LHFPL3: variants seen among roughly 807,000 people sequenced by gnomAD.
LHFPL3 encodes the protein LHFPL tetraspan subfamily member 3.
In LHFPL3, 5 loss-of-function variants were observed where a neutral mutation model predicts 19.3. The observed-to-expected ratio is 0.26, with a 90% CI of 0.14 to 0.54. The LOEUF is 0.54. Among genes scored for constraint, LHFPL3 ranks in the 20% least tolerant of loss-of-function variants. The pLI, the probability that LHFPL3 is intolerant of heterozygous loss-of-function variation, is 0.94. For synonymous variants in LHFPL3, 133 were observed against 126.2 expected, an observed-to-expected ratio of 1.05 and a Z score of -0.36; for missense variants, 249 against 307.4, an observed-to-expected ratio of 0.81 and a Z score of 1.42.
chr7:104,707,215 A>G (rs117753370), intron 1 of LHFPL3, among the ~76,000 whole-genome samples: 10 of 152,300 alleles, frequency 6.6e-5, no homozygotes, highest in Middle Eastern at 3.4e-3. Flanking sequence ...GAGCTCACCA[A>G]TTCCCAGGGT....
intron 1 of LHFPL3, among the ~76,000 whole-genome samples, chr7:104,529,685 G>T (rs1476394471): frequency 2.0e-5 from 3 of 152,168 alleles, no homozygotes; most frequent in Admixed American, 6.5e-5. Flanking sequence ...GGCACAGTTG[G>T]ATATAGAAAC....
At chr7:104,874,406 T>A (rs35376612) in intron 2 of LHFPL3, among the ~76,000 whole-genome samples, 29 of 131,734 alleles carry the variant, frequency 2.2e-4, no homozygotes, top group Non-Finnish European at 4.1e-4. Context: ...TTTTTTTTTT[T>A]GGGGGGGGGA....
At chr7:104,865,296 G>A (rs1339974937) in intron 2 of LHFPL3, among the ~76,000 whole-genome samples, 1 of 152,068 alleles carries the variant, frequency 6.6e-6, no homozygotes, top group Non-Finnish European at 1.5e-5. Context: ...GAGGAAGTTT[G>A]AACCCATGGC....
chr7:104,627,792 C>T (rs1304535307), intron 1 of LHFPL3, among the ~76,000 whole-genome samples: 1 of 152,186 alleles, frequency 6.6e-6, no homozygotes, highest in Non-Finnish European at 1.5e-5. Flanking sequence ...GAGATTAAAA[C>T]TCTGAACTTC....
intron 1 of LHFPL3, among the ~76,000 whole-genome samples, chr7:104,358,726 T>A (rs560821434): frequency 1.3e-5 from 2 of 152,334 alleles, no homozygotes; most frequent in Admixed American, 6.5e-5. Flanking sequence ...CTCTGGCCTG[T>A]CAGAAACAAA....
intron 1 of LHFPL3, among the ~76,000 whole-genome samples, chr7:104,357,503 C>T (rs1248169357): frequency 6.6e-6 from 1 of 152,194 alleles, no homozygotes; most frequent in African/African-American, 2.4e-5. Context: ...GGGTAGCCAA[C>T]TTCAGCAGAC....
intron 1 of LHFPL3, among the ~76,000 whole-genome samples, chr7:104,411,910 T>A (rs569929407): frequency 1.2e-4 from 18 of 152,294 alleles, no homozygotes; most frequent in East Asian, 3.9e-4. Flanking sequence ...AAAATGTTTT[T>A]AAAAATCTGA....
In LHFPL3 at chr7:104,329,001, G is replaced by A. The variant is rs376715520; in HGVS notation, c.222G>A (p.Gly74=). Reference sequence around the variant, plus strand: ...ACACCCCGCAAGCCGGCTATTTCGGGCTCTTCCACTACTGCATCGGCAACG... The same window carrying A: ...ACACCCCGCAAGCCGGCTATTTCGGACTCTTCCACTACTGCATCGGCAACG... ...GVDTPQAGYF[G]LFHYCIGNGF... is the part of the protein sequence containing the mutation. The change falls in exon 1 of 3, where the codon GGG becomes GGA. Residue 74 remains glycine (G), a synonymous_variant. Coordinates refer to ENST00000424859, the MANE Select transcript of LHFPL3 (RefSeq NM_199000.3). 1.2e-6 allele frequency: 2 copies of A among 1,614,124 alleles called. No individual in the cohort carries two copies. Among genetic ancestry groups the A allele is most frequent in the South Asian group, 1.1e-5 (1 of 91,088 alleles).
chr7:104,627,559 T>G (rs1791568792), intron 1 of LHFPL3, among the ~76,000 whole-genome samples: 1 of 152,180 alleles, frequency 6.6e-6, no homozygotes, highest in South Asian at 2.1e-4. Flanking sequence ...TGCATCTTTG[T>G]GTCATCCCAA....
chr7:104,730,297 C>T (rs1793675743), intron 1 of LHFPL3, among the ~76,000 whole-genome samples: 1 of 152,172 alleles, frequency 6.6e-6, no homozygotes. Flanking sequence ...ATTTCTAGTT[C>T]TAGATCCCTG....
chr7:104,408,917 T>G (rs1477982307), intron 1 of LHFPL3, among the ~76,000 whole-genome samples: 3 of 133,894 alleles, frequency 2.2e-5, no homozygotes, highest in Admixed American at 9.4e-5. Flanking sequence ...CAGGCTGGAG[T>G]GCAATGGCGC....
At chr7:104,737,042 C>T in intron 2 of LHFPL3, 131 bp downstream of exon 2, 1 of 654,484 alleles carries the variant, frequency 1.5e-6, no homozygotes, top group Non-Finnish European at 2.6e-6. Flanking sequence ...TACCGTGTAG[C>T]TTGCAGACTT....
In LHFPL3 at chr7:104,569,893, G is replaced by A. The variant is rs189506216; in HGVS notation, c.446-166782G>A. ...CAGAGGCTATATGCTCAACCACTATGCCATACTATCCTCTCTCCACAATGA... is the reference window on the plus strand; with the variant it reads ...CAGAGGCTATATGCTCAACCACTATACCATACTATCCTCTCTCCACAATGA... On this transcript the variant is annotated intron_variant, in intron 1 of 2. Transcript: ENST00000424859. Among the ~76,000 whole-genome samples the A allele has an allele frequency of 1.5e-3, 227 of 152,236 alleles. 1 individual carries two copies. Among genetic ancestry groups the A allele is most frequent in the African/African-American group, 5.1e-3 (213 of 41,510 alleles).
At chr7:104,579,272 T>C (rs1252297318) in intron 1 of LHFPL3, among the ~76,000 whole-genome samples, 1 of 152,126 alleles carries the variant, frequency 6.6e-6, no homozygotes, top group Non-Finnish European at 1.5e-5. Flanking sequence ...ATAGTGAACA[T>C]AGTACCCAAC....
intron 1 of LHFPL3, among the ~76,000 whole-genome samples, chr7:104,501,682 G>A (rs144385223): frequency 6.2e-4 from 95 of 152,240 alleles, no homozygotes; most frequent in Non-Finnish European, 1.1e-3. Context: ...TTGTGGATTG[G>A]TTGACCTGAT....
intron 1 of LHFPL3, among the ~76,000 whole-genome samples, chr7:104,377,586 A>G (rs1790740408): frequency 6.6e-6 from 1 of 152,212 alleles, no homozygotes; most frequent in Non-Finnish European, 1.5e-5. Context: ...AAAACCATCT[A>G]GAGCAGAGGA....
At chr7:104,396,774 C>T (rs547581712) in intron 1 of LHFPL3, among the ~76,000 whole-genome samples, 16 of 151,848 alleles carry the variant, frequency 1.1e-4, no homozygotes, top group South Asian at 6.3e-4. Flanking sequence ...CTGGGCAACA[C>T]GGCAAAATCC....
intron 1 of LHFPL3, among the ~76,000 whole-genome samples, chr7:104,343,289 C>T (rs1255441208): frequency 1.3e-5 from 2 of 151,542 alleles, no homozygotes; most frequent in Non-Finnish European, 2.9e-5. Context: ...CTGAGGAGGG[C>T]GGATCATGAG....
intron 1 of LHFPL3, among the ~76,000 whole-genome samples, chr7:104,434,452 G>A (rs1192662833): frequency 1.3e-5 from 2 of 152,194 alleles, no homozygotes; most frequent in Admixed American, 6.5e-5. Context: ...TTTGAAGGGG[G>A]TCTAGGATAC....
Sources: allele counts gnomAD v4.1 joint callset (sites outside exome capture counted in the v4.1 genomes callset), GRCh38; gene constraint gnomAD v4.1.1; transcripts MANE v1.5; gene names NCBI Gene and HGNC (gene_info 2026-07-23, HGNC 2026-07-21).